The following DYM variants were observed in gnomAD, a reference collection of about 807,000 sequenced individuals.
DYM encodes dyggve-Melchior-Clausen syndrome protein.
Under a neutral mutation model 93.1 loss-of-function variants are expected in DYM, and 78 were observed. That is an observed-to-expected ratio of 0.84 (90% CI 0.70 to 1.01). The LOEUF (loss-of-function observed/expected upper bound fraction) is 1.01. Among genes scored for constraint, DYM ranks in the 50% least tolerant of loss-of-function variants. The pLI is 0.00. For missense variants in DYM, 789 were observed against 845.0 expected (o/e 0.93, Z 0.82); for synonymous variants, 321 against 319.7 (o/e 1.00, Z -0.04).
intron 1 of DYM, among the ~76,000 whole-genome samples, chr18:49,449,866 C>A (rs909581469): frequency 5.9e-5 from 9 of 152,088 alleles, no homozygotes; most frequent in African/African-American, 2.2e-4. Context: ...TTGTCTGGGT[C>A]CTAGACTCCA....
chr18:49,129,410 T>C (rs2083167507), intron 15 of DYM, among the ~76,000 whole-genome samples: 1 of 152,150 alleles, frequency 6.6e-6, no homozygotes, highest in Non-Finnish European at 1.5e-5. Context: ...CATCAGAATA[T>C]GATTTCACAA....
At chr18:49,120,694 C>T (rs1047287966) in intron 15 of DYM, among the ~76,000 whole-genome samples, 5 of 152,218 alleles carry the variant, frequency 3.3e-5, no homozygotes, top group African/African-American at 1.2e-4. Context: ...AAGTAGACTT[C>T]AGAGACTATC....
At chr18:49,054,895 A>G (rs865786633) in intron 17 of DYM, among the ~76,000 whole-genome samples, 17 of 152,336 alleles carry the variant, frequency 1.1e-4, no homozygotes, top group African/African-American at 3.4e-4. Flanking sequence ...GTGGAGCCCC[A>G]TGCTCGGGAC....
chr18:49,429,670 T>A (rs2074621145), intron 2 of DYM, among the ~76,000 whole-genome samples: 2 of 152,206 alleles, frequency 1.3e-5, no homozygotes, highest in South Asian at 4.1e-4. Context: ...AAATTGCAAA[T>A]GCACATACAC....
chr18:49,170,302 ATCT>A (rs1253381375), intron 14 of DYM, among the ~76,000 whole-genome samples: 2 of 152,160 alleles, frequency 1.3e-5, no homozygotes, highest in Admixed American at 6.5e-5. Flanking sequence ...CTCTTAACAA[ATCT>A]TCTAGGAAAC....
intron 10 of DYM, among the ~76,000 whole-genome samples, chr18:49,280,985 C>T (rs552748239): frequency 6.6e-6 from 1 of 152,216 alleles, no homozygotes; most frequent in African/African-American, 2.4e-5. Context: ...TTCTGCACAG[C>T]AAAAGAAACT....
At chr18:49,215,068 A>G (rs1030212875) in intron 13 of DYM, among the ~76,000 whole-genome samples, 2 of 152,248 alleles carry the variant, frequency 1.3e-5, no homozygotes, top group African/African-American at 4.8e-5. Flanking sequence ...ACAGATATGT[A>G]AATTCTAACA....
intron 15 of DYM, among the ~76,000 whole-genome samples, chr18:49,126,659 A>T (rs945716719): frequency 6.6e-6 from 1 of 151,938 alleles, no homozygotes; most frequent in African/African-American, 2.4e-5. Flanking sequence ...ATATTATTTG[A>T]TTTTTTTTCA....
At chr18:49,397,610 T>C (rs1000559763) in intron 2 of DYM, among the ~76,000 whole-genome samples, 3 of 152,244 alleles carry the variant, frequency 2.0e-5, no homozygotes, top group Non-Finnish European at 4.4e-5. Flanking sequence ...TTTCTGTTGC[T>C]GGTGAAGTGC....
rs1043430939 is a variant in DYM at position 49,440,344 on chromosome 18, A to T, written c.-53-9897T>A. Among the ~76,000 whole-genome samples the T allele has an allele frequency of 1.2e-4, 16 of 134,232 alleles. 2 individuals carry two copies. In the East Asian group the frequency reaches 3.9e-3, roughly 33 times the overall value. The allele number at this position is 134,232 out of a possible 152,430, so 88.1% of individuals were successfully genotyped here. On this transcript the variant is annotated intron_variant, in intron 1 of 17. Transcript: ENST00000675505. ...ATATACATATACTATTATATATGAT[A>T]TATAATATAGTATATGATATATAAT... is the stretch of plus-strand genomic sequence containing the variant.
intron 14 of DYM, among the ~76,000 whole-genome samples, chr18:49,185,440 C>T (rs1453357003): frequency 6.6e-6 from 1 of 152,120 alleles, no homozygotes; most frequent in South Asian, 2.1e-4. Context: ...TAAGAACAGT[C>T]TAGACAGGTA....
At chr18:49,261,598 G>C (rs1452556294) in intron 11 of DYM, among the ~76,000 whole-genome samples, 1 of 151,926 alleles carries the variant, frequency 6.6e-6, no homozygotes, top group African/African-American at 2.4e-5. Flanking sequence ...GGGAGGCAGA[G>C]GTTGCAGTGA....
chr18:49,296,665 C>G (rs1311627683), intron 8 of DYM, among the ~76,000 whole-genome samples: 1 of 152,148 alleles, frequency 6.6e-6, no homozygotes, highest in Admixed American at 6.6e-5. Flanking sequence ...GGACTTTTTA[C>G]TAAATGTTTA....
chr18:49,431,286 G>A (rs1343677678), intron 1 of DYM, among the ~76,000 whole-genome samples: 1 of 152,220 alleles, frequency 6.6e-6, no homozygotes, highest in Non-Finnish European at 1.5e-5. Flanking sequence ...TGCAGTTTTA[G>A]TTGATATGCC....
At chr18:49,242,866 AT>A (rs1349555161) in intron 13 of DYM, among the ~76,000 whole-genome samples, 13 of 151,842 alleles carry the variant, frequency 8.6e-5, no homozygotes, top group African/African-American at 2.7e-4. Context: ...CGCCCGGCTA[AT>A]TTTTTTGTAT....
At chr18:49,201,082 T>C in intron 14 of DYM, among the ~76,000 whole-genome samples, 1 of 152,204 alleles carries the variant, frequency 6.6e-6, no homozygotes, top group South Asian at 2.1e-4. Flanking sequence ...AAAAAATCAT[T>C]CTTTTACCAA....
intron 13 of DYM, among the ~76,000 whole-genome samples, chr18:49,232,603 C>CTTTTTTTT (rs777802663): frequency 1.1e-5 from 1 of 94,374 alleles, no homozygotes; most frequent in African/African-American, 3.7e-5. Context: ...TGCCCGGCCT[C>CTTTTTTTT]TTTTTTTTTT....
In DYM at chr18:49,077,864, A is replaced by G. The variant is rs77477541; in HGVS notation, c.2025+19538T>C. The stretch of plus-strand genomic sequence containing the variant: ...TAGTTAAAGCATATCCTTTGCAGAC[A>G]GTATATAGTTGGGTCTTATTTTATC... On this transcript the variant is annotated intron_variant, in intron 17 of 17. Transcript: ENST00000675505. Among the ~76,000 whole-genome samples, 734 of 151,978 alleles carry G rather than the reference A, an allele frequency of 4.8e-3. 5 individuals are homozygous for G. The highest frequency in any genetic ancestry group is 0.017 in the African/African-American group (713 of 41,436).
intron 15 of DYM, among the ~76,000 whole-genome samples, chr18:49,122,618 A>G (rs558997682): frequency 1.3e-5 from 2 of 152,316 alleles, no homozygotes; most frequent in African/African-American, 4.8e-5. Context: ...ATTTCATTAT[A>G]TATTACAATG....
Sources: allele counts gnomAD v4.1 joint callset (sites outside exome capture counted in the v4.1 genomes callset), GRCh38; gene constraint gnomAD v4.1.1; transcripts MANE v1.5; gene names NCBI Gene and HGNC (gene_info 2026-07-23, HGNC 2026-07-21).